The following DEPDC5 variants were observed in gnomAD, a reference collection of about 807,000 sequenced individuals.
The protein encoded by DEPDC5 is DEP domain containing 5, GATOR1 subcomplex subunit, also known as GATOR1 complex protein DEPDC5.
In DEPDC5, 73 loss-of-function variants were observed where a neutral mutation model predicts 217.3. The ratio of observed to expected loss-of-function variants is 0.34; its 90% CI spans 0.28 to 0.41. The LOEUF is 0.41. Among genes scored for constraint, DEPDC5 ranks in the 10% least tolerant of loss-of-function variants. The pLI is 1.00. For missense variants in DEPDC5, 1,675 were observed against 2,070.1 expected, an observed-to-expected ratio of 0.81 and a Z score of 3.70; for synonymous variants, 733 against 756.7, an observed-to-expected ratio of 0.97 and a Z score of 0.51.
chr22:31,894,690 C>T (rs1010183131), intron 39 of DEPDC5: 2 of 151,838 alleles, frequency 1.3e-5, no homozygotes, highest in Admixed American at 6.6e-5. Context: ...ACTGAAAATA[C>T]AAAAATTACC....
rs762689584 is a variant in DEPDC5 at position 31,870,602 on chromosome 22, C to T, written c.3343C>T (p.Gln1115Ter). 2 of 1,535,364 alleles carry T rather than the reference C, an allele frequency of 1.3e-6. No individual in the cohort carries two copies. Among genetic ancestry groups the T allele is most frequent in the Non-Finnish European group, 8.7e-7 (1 of 1,145,002 alleles). Reference protein sequence around the residue: ...SAFYPQVSVDQTATPMLDGTS... With the variant: ...SAFYPQVSVD ...AAATCTCCTGCAGGTATCTGTGGACCAAACAGCCACTCCTATGTTGGACGG... is the reference window on the plus strand; with the variant it reads ...AAATCTCCTGCAGGTATCTGTGGACTAAACAGCCACTCCTATGTTGGACGG... The change falls in exon 34 of 43, where the codon CAA (glutamine) becomes TAA (stop). Residue 1115 changes from glutamine to a stop codon, truncating the protein, a stop_gained. Transcript: ENST00000651528. LOFTEE classifies it high-confidence loss of function.
chr22:31,770,908 G>A (rs1444633698), intron 7 of DEPDC5, among the ~76,000 whole-genome samples: 2 of 149,478 alleles, frequency 1.3e-5, no homozygotes, highest in African/African-American at 4.9e-5. Context: ...TATTCTGCCT[G>A]GGCCTCCTGA....
chr22:31,840,567 A>G (rs2091330910), intron 27 of DEPDC5, among the ~76,000 whole-genome samples: 2 of 152,324 alleles, frequency 1.3e-5, no homozygotes, highest in South Asian at 4.1e-4. Context: ...GATGTCCCTC[A>G]GTGGTCTGAG....
intron 2 of DEPDC5, 103 bp downstream of exon 2, chr22:31,755,082 A>G: frequency 7.4e-7 from 1 of 1,354,490 alleles, no homozygotes; most frequent in East Asian, 2.3e-5. Flanking sequence ...TTGAGGCTAA[A>G]CAGGCGACTA....
intron 12 of DEPDC5, among the ~76,000 whole-genome samples, chr22:31,793,620 G>A (rs1216193910): frequency 6.6e-6 from 1 of 152,020 alleles, no homozygotes; most frequent in Non-Finnish European, 1.5e-5. Flanking sequence ...CGCCCAGGCT[G>A]GAGTGCAGTG....
chr22:31,815,662 T>G (rs1176668683), intron 21 of DEPDC5: 1 of 580,398 alleles, frequency 1.7e-6, no homozygotes, highest in Admixed American at 3.5e-5. Flanking sequence ...GCCTCCCAAG[T>G]AACTGGGACT....
At chr22:31,763,682 C>G (rs955721304) in intron 4 of DEPDC5, among the ~76,000 whole-genome samples, 17 of 151,766 alleles carry the variant, frequency 1.1e-4, no homozygotes, top group African/African-American at 4.1e-4. Context: ...AGTCCTCATG[C>G]CTTGGCCTCC....
At chr22:31,767,995 T>G (rs1288944908) in intron 6 of DEPDC5, among the ~76,000 whole-genome samples, 1 of 151,986 alleles carries the variant, frequency 6.6e-6, no homozygotes, top group Non-Finnish European at 1.5e-5. Context: ...TCGTCCCATC[T>G]CGGCCTCCCA....
At chr22:31,846,457 G>A (rs1237599532) in intron 30 of DEPDC5, among the ~76,000 whole-genome samples, 2 of 152,202 alleles carry the variant, frequency 1.3e-5, no homozygotes, top group Non-Finnish European at 2.9e-5. Context: ...AGCTTGGATA[G>A]TGGGAAGAAC....
At chr22:31,804,100 G>C (rs1262952318) in intron 15 of DEPDC5, 62 bp from the exon 16 acceptor site, 4 of 1,526,626 alleles carry the variant, frequency 2.6e-6, no homozygotes, top group Non-Finnish European at 3.6e-6. Context: ...ATGATTTATA[G>C]ATAGGGACAC....
chr22:31,868,055 A>G (rs904040100), intron 33 of DEPDC5, among the ~76,000 whole-genome samples: 1 of 152,174 alleles, frequency 6.6e-6, no homozygotes, highest in African/African-American at 2.4e-5. Context: ...GCAGGTGGTA[A>G]TTGGTAATTG....
Position 31,784,864 on chromosome 22 carries a change from A to C in DEPDC5, c.613A>C (p.Thr205Pro), listed in dbSNP as rs770896892. ...AVNGFLADLF[T>P]KWKEKNCSHE... The stretch of plus-strand genomic sequence containing the variant: ...GAATGGTTTCCTTGCTGATCTATTT[A>C]CCAAGTGGAAGGTACATTTCTTCTT... Residue 205 changes from threonine (T) to proline (P), a missense_variant, in exon 10 of 43, where the codon ACC (threonine) becomes CCC (proline). Physicochemically the swap from Thr to Pro is conservative, Grantham distance 38. Transcript: ENST00000651528. 1.2e-6 allele frequency: 2 copies of C among 1,613,044 alleles called. No individual in the cohort carries two copies. The highest frequency in any genetic ancestry group is 2.2e-5 in the East Asian group (1 of 44,762).
At chr22:31,787,676 T>C (rs2085147942) in intron 10 of DEPDC5, among the ~76,000 whole-genome samples, 1 of 151,960 alleles carries the variant, frequency 6.6e-6, no homozygotes, top group East Asian at 1.9e-4. Flanking sequence ...GCTGGCTGCA[T>C]TGGCAAATGC....
chr22:31,849,941 A>C (rs1417094592), intron 31 of DEPDC5, among the ~76,000 whole-genome samples: 1 of 152,108 alleles, frequency 6.6e-6, no homozygotes, highest in Admixed American at 6.6e-5. Flanking sequence ...ATTTGAGATG[A>C]GATTTGGGTA....
intron 17 of DEPDC5, among the ~76,000 whole-genome samples, chr22:31,805,912 GTGT>G (rs2087474530): frequency 6.6e-6 from 1 of 152,130 alleles, no homozygotes; most frequent in Non-Finnish European, 1.5e-5. Context: ...ATTTTGGTCA[GTGT>G]AGCCAGACTC....
Position 31,798,739 on chromosome 22 carries a change from AAG to A in DEPDC5, c.946+87_946+88del, listed in dbSNP as rs2086539751. The A allele has an allele frequency of 1.9e-5, 26 of 1,355,546 alleles. 1 individual carries two copies. The highest frequency in any genetic ancestry group is 1.7e-4 in the East Asian group (7 of 41,366). 84.0% of individuals were successfully genotyped at this position (1,355,546 alleles called of 1,614,324 possible). On this transcript the variant is annotated intron_variant, in intron 14 of 42. Transcript: ENST00000651528. ...GGAAAGGTGTCCTGATCCAGACCCT[AAG>A]AGAAGGTTCTTGGATCTTGCAGAAG...
At chr22:31,755,207 C>T in intron 2 of DEPDC5, 1 of 508,686 alleles carries the variant, frequency 2.0e-6, no homozygotes, top group South Asian at 3.1e-5. Context: ...GTTTACTACC[C>T]TTCATTTGTT....
chr22:31,779,699 G>A (rs1176805376), intron 8 of DEPDC5, among the ~76,000 whole-genome samples: 1 of 152,128 alleles, frequency 6.6e-6, no homozygotes, highest in African/African-American at 2.4e-5. Flanking sequence ...GGCTCTAATG[G>A]CCAAAGGTCA....
At chr22:31,808,747 A>G (rs1314207763) in intron 18 of DEPDC5, among the ~76,000 whole-genome samples, 3 of 151,748 alleles carry the variant, frequency 2.0e-5, no homozygotes, top group African/African-American at 7.3e-5. Context: ...TTGTATTTTT[A>G]GTAGAGATGG....
Sources: allele counts gnomAD v4.1 joint callset (sites outside exome capture counted in the v4.1 genomes callset), GRCh38; gene constraint gnomAD v4.1.1; transcripts MANE v1.5; gene names NCBI Gene and HGNC (gene_info 2026-07-23, HGNC 2026-07-21).